SAMSN1: variants seen among roughly 807,000 people sequenced by gnomAD.
SAMSN1 encodes the protein SAM domain-containing protein SAMSN-1.
In SAMSN1, 31 loss-of-function variants were observed where a neutral mutation model predicts 42.0. The ratio of observed to expected loss-of-function variants is 0.74; its 90% CI spans 0.55 to 1.00. The LOEUF is 1.00. Ranked by LOEUF, SAMSN1 falls within the 50% of genes least tolerant of loss-of-function variation. The probability of loss-of-function intolerance (pLI) is 0.00; values close to 1 mark genes in which losing one functional copy is unlikely to be tolerated. For synonymous variants in SAMSN1, 178 were observed against 151.9 expected (o/e 1.17, Z -1.26); for missense variants, 464 against 439.4 (o/e 1.06, Z -0.50).
chr21:14,513,508 T>A (rs974485760), intron 3 of SAMSN1, among the ~76,000 whole-genome samples: 1 of 141,000 alleles, frequency 7.1e-6, no homozygotes, highest in African/African-American at 2.4e-5. Flanking sequence ...TAGCTGTGTG[T>A]GTTTGTGTGT....
chr21:14,607,868 A>G (rs1353923951), intron 5 of SAMSN1, among the ~76,000 whole-genome samples: 1 of 152,258 alleles, frequency 6.6e-6, no homozygotes, highest in East Asian at 1.9e-4. Flanking sequence ...ATAGATCAAC[A>G]TACAATAATC....
chr21:14,508,329 A>C (rs1468545954), intron 5 of SAMSN1, among the ~76,000 whole-genome samples: 2 of 152,144 alleles, frequency 1.3e-5, no homozygotes, highest in African/African-American at 4.8e-5. Flanking sequence ...ACTAATATCC[A>C]AAATCTACAA....
At chr21:14,606,984 A>C (rs1982586180) in intron 5 of SAMSN1, among the ~76,000 whole-genome samples, 1 of 152,240 alleles carries the variant, frequency 6.6e-6, no homozygotes, top group Admixed American at 6.5e-5. Context: ...GTGTTAATGT[A>C]GAAATATCAT....
chr21:14,631,992 C>T (rs1468860397), intron 2 of SAMSN1, among the ~76,000 whole-genome samples: 1 of 152,148 alleles, frequency 6.6e-6, no homozygotes, highest in Non-Finnish European at 1.5e-5. Context: ...ACTCATCTAA[C>T]TTCTCTTGCT....
intron 2 of SAMSN1, among the ~76,000 whole-genome samples, chr21:14,566,562 G>A (rs1486636874): frequency 6.6e-6 from 1 of 151,488 alleles, no homozygotes; most frequent in Non-Finnish European, 1.5e-5. Context: ...TTTTGAGACA[G>A]GGTCTCACTT....
At chr21:14,581,179 T>C (rs1442211307) in intron 2 of SAMSN1, among the ~76,000 whole-genome samples, 1 of 151,814 alleles carries the variant, frequency 6.6e-6, no homozygotes, top group African/African-American at 2.4e-5. Flanking sequence ...CCCTCGTATA[T>C]GGAAAACACT....
chr21:14,508,166 G>T lies in SAMSN1; in HGVS notation c.561+2144C>A, dbSNP rs151055459. 2.8e-3 allele frequency among the ~76,000 whole-genome samples: 432 copies of T among 152,220 alleles called. 1 individual carries two copies. In the Middle Eastern group the frequency reaches 0.041, roughly 14 times the overall value. On this transcript the variant is annotated intron_variant, in intron 5 of 7. Coordinates refer to ENST00000400566, the MANE Select transcript of SAMSN1 (RefSeq NM_022136.5). ...GCTTAGGCAAGGATTTCATGACCAA[G>T]AACACAAAAGCAAATGCAATAAAAA...
intron 3 of SAMSN1, among the ~76,000 whole-genome samples, chr21:14,613,507 A>G (rs758909982): frequency 2.0e-5 from 3 of 152,164 alleles, no homozygotes; most frequent in Non-Finnish European, 4.4e-5. Context: ...AGTGTTTTCT[A>G]CTATTGATAT....
At chr21:14,599,541 T>C (rs1982373058) in intron 6 of SAMSN1, among the ~76,000 whole-genome samples, 1 of 152,170 alleles carries the variant, frequency 6.6e-6, no homozygotes, top group Non-Finnish European at 1.5e-5. Context: ...GACTAATACA[T>C]GGGGCCTAAT....
intron 2 of SAMSN1, among the ~76,000 whole-genome samples, chr21:14,635,828 A>G (rs1983454454): frequency 6.6e-6 from 1 of 152,014 alleles, no homozygotes; most frequent in Non-Finnish European, 1.5e-5. Flanking sequence ...AGAATTTATT[A>G]TTATTATTAT....
intron 5 of SAMSN1, among the ~76,000 whole-genome samples, chr21:14,509,578 C>A (rs1277215433): frequency 1.3e-5 from 2 of 152,186 alleles, no homozygotes; most frequent in African/African-American, 2.4e-5. Context: ...ATTGCCCTGC[C>A]AAGTCTGGTT....
chr21:14,543,995 A>G (rs1392577326), intron 1 of SAMSN1, among the ~76,000 whole-genome samples: 2 of 152,056 alleles, frequency 1.3e-5, no homozygotes, highest in Non-Finnish European at 2.9e-5. Flanking sequence ...AAGGATTTGC[A>G]CTCCTTTTTC....
At chr21:14,518,445 AT>A (rs11453614) in intron 2 of SAMSN1, among the ~76,000 whole-genome samples, 3 of 151,408 alleles carry the variant, frequency 2.0e-5, no homozygotes, top group Non-Finnish European at 4.4e-5. Flanking sequence ...AACGTTGCAG[AT>A]TTTTTTTTCT....
intron 1 of SAMSN1, among the ~76,000 whole-genome samples, chr21:14,526,902 A>T (rs4817235): frequency 0.3 from 45,288 of 152,118 alleles, 7,244 homozygotes; most frequent in African/African-American, 0.41. Context: ...AAACCAGAAG[A>T]ACTTGACCCT....
At chr21:14,657,090 A>G (rs1983928695) in intron 1 of SAMSN1, among the ~76,000 whole-genome samples, 1 of 151,872 alleles carries the variant, frequency 6.6e-6, no homozygotes, top group Admixed American at 6.6e-5. Context: ...TTATAACAGC[A>G]CAGTAGGGTG....
At chr21:14,591,898 T>C (rs1982097384) in intron 7 of SAMSN1, 1 of 151,690 alleles carries the variant, frequency 6.6e-6, no homozygotes, top group African/African-American at 2.4e-5. Flanking sequence ...AAGAAAGGAG[T>C]CTTTCAGAAG....
At chr21:14,623,198 G>A (rs1012748628) in intron 2 of SAMSN1, among the ~76,000 whole-genome samples, 1 of 152,228 alleles carries the variant, frequency 6.6e-6, no homozygotes, top group Non-Finnish European at 1.5e-5. Flanking sequence ...ATGCTAGGAA[G>A]AAACTGCATC....
At chr21:14,487,484 T>C (rs1022740940) in intron 7 of SAMSN1, among the ~76,000 whole-genome samples, 4 of 152,148 alleles carry the variant, frequency 2.6e-5, no homozygotes, top group Non-Finnish European at 4.4e-5. Flanking sequence ...AAGTTACCCT[T>C]GTGTTAATGA....
intron 2 of SAMSN1, among the ~76,000 whole-genome samples, chr21:14,555,805 T>C (rs1980745052): frequency 6.6e-6 from 1 of 152,196 alleles, no homozygotes; most frequent in South Asian, 2.1e-4. Context: ...CGTGCCTCAT[T>C]TGGCAGAAAG....
Sources: allele counts gnomAD v4.1 joint callset (sites outside exome capture counted in the v4.1 genomes callset), GRCh38; gene constraint gnomAD v4.1.1; transcripts MANE v1.5; gene names NCBI Gene and HGNC (gene_info 2026-07-23, HGNC 2026-07-21).